WDFY3: variants seen among roughly 807,000 people sequenced by gnomAD.
WDFY3 encodes the protein WD repeat and FYVE domain containing 3.
WDFY3 carries 66 observed loss-of-function variants against 409.6 expected under a neutral mutation model. The observed-to-expected ratio is 0.16, with a 90% CI of 0.13 to 0.20. The LOEUF (loss-of-function observed/expected upper bound fraction) is 0.20. Ranked by LOEUF, WDFY3 falls within the 10% of genes least tolerant of loss-of-function variation. The probability of loss-of-function intolerance (pLI) is 1.00; values close to 1 mark genes in which losing one functional copy is unlikely to be tolerated. For missense variants in WDFY3, 3,031 were observed against 4,298.1 expected (o/e 0.71, Z 8.24); for synonymous variants, 1,521 against 1,537.1 (o/e 0.99, Z 0.25).
At chr4:84,751,352 G>A in intron 36 of WDFY3, 131 bp downstream of exon 36, 1 of 936,338 alleles carries the variant, frequency 1.1e-6, no homozygotes, top group Non-Finnish European at 1.6e-6. Flanking sequence ...ACTTTCCACA[G>A]CCTATAACAT....
chr4:84,736,749 G>A (rs370192117), intron 41 of WDFY3, among the ~76,000 whole-genome samples: 16 of 151,872 alleles, frequency 1.1e-4, no homozygotes, highest in African/African-American at 3.6e-4. Flanking sequence ...AATTTAATAC[G>A]TCAATATTAC....
intron 44 of WDFY3, among the ~76,000 whole-genome samples, chr4:84,729,230 A>AT (rs373842178): frequency 1.9e-4 from 29 of 151,454 alleles, no homozygotes; most frequent in South Asian, 4.2e-4. Flanking sequence ...TTTAAATATA[A>AT]TTTTTTTTTA....
intron 3 of WDFY3, among the ~76,000 whole-genome samples, chr4:84,864,426 C>T (rs1017161370): frequency 2.0e-5 from 3 of 149,516 alleles, no homozygotes; most frequent in Non-Finnish European, 3.0e-5. Flanking sequence ...ATAAGGATTA[C>T]GCTTAATCTA....
In WDFY3 at chr4:84,779,851, A is replaced by T. The variant is rs116623457; in HGVS notation, c.4365+257T>A. Among the ~76,000 whole-genome samples, 662 of 152,360 alleles carry T rather than the reference A, an allele frequency of 4.3e-3. 4 individuals are homozygous for T. The highest frequency in any genetic ancestry group is 0.042 in the South Asian group (201 of 4,828). On this transcript the variant is annotated intron_variant, in intron 26 of 67. Transcript: ENST00000295888. Reference sequence around the variant, plus strand: ...GTTCTGAAAATAAATTCAATGTATTAAAGCTATATTGAAATAATGTTGCCT... The same window carrying T: ...GTTCTGAAAATAAATTCAATGTATTTAAGCTATATTGAAATAATGTTGCCT...
intron 1 of WDFY3, among the ~76,000 whole-genome samples, chr4:84,945,812 T>G (rs1043350525): frequency 2.0e-5 from 3 of 152,178 alleles, no homozygotes; most frequent in Non-Finnish European, 4.4e-5. Flanking sequence ...AATCTGTTGA[T>G]CTAGAAATTT....
intron 61 of WDFY3, among the ~76,000 whole-genome samples, chr4:84,690,232 G>A (rs1729029441): frequency 6.6e-6 from 1 of 152,062 alleles, no homozygotes; most frequent in African/African-American, 2.4e-5. Context: ...TTAGACTTTT[G>A]CATTTATATT....
intron 6 of WDFY3, among the ~76,000 whole-genome samples, chr4:84,838,383 T>C (rs1360793414): frequency 6.6e-6 from 1 of 152,228 alleles, no homozygotes; most frequent in Non-Finnish European, 1.5e-5. Context: ...AAAGTGTGTA[T>C]GCTCAATGAC....
intron 64 of WDFY3, 135 bp from the exon 65 acceptor site, chr4:84,679,377 G>C (rs568470015): frequency 1.8e-5 from 16 of 897,584 alleles, no homozygotes; most frequent in Non-Finnish European, 2.5e-5. Flanking sequence ...TAACAAAAAA[G>C]AAAGTAAGTG....
rs1385454937 is a variant in WDFY3, at chr4:84,733,319, C to T, written c.7221+63G>A. The T allele has an allele frequency of 1.2e-5, 19 of 1,542,916 alleles. 1 individual carries two copies. Among genetic ancestry groups the T allele is most frequent in the Middle Eastern group, 3.5e-4 (2 of 5,716 alleles). ...GGTAATTGACTAAATAGAGAAAAAA[C>T]GCTTACAGAGGAAAATAAAAACTTG... On this transcript the variant is annotated intron_variant, in intron 44 of 67. Coordinates refer to ENST00000295888, the MANE Select transcript of WDFY3 (RefSeq NM_014991.6).
At chr4:84,677,519 C>A (rs1429508611) in intron 66 of WDFY3, 123 bp from the exon 67 acceptor site, 5 of 831,846 alleles carry the variant, frequency 6.0e-6, no homozygotes, top group African/African-American at 1.7e-5. Context: ...CCTGGAGAGA[C>A]CCCTTGATTC....
chr4:84,826,135 CTG>C (rs1048804589), intron 10 of WDFY3, among the ~76,000 whole-genome samples: 1 of 151,884 alleles, frequency 6.6e-6, no homozygotes, highest in Non-Finnish European at 1.5e-5. Flanking sequence ...GGTTCTGCAT[CTG>C]TGGATTCAAT....
At chr4:84,713,122 C>T in intron 51 of WDFY3, 37 bp downstream of exon 51, 1 of 1,597,956 alleles carries the variant, frequency 6.3e-7, no homozygotes, top group South Asian at 1.1e-5. Flanking sequence ...CCCAACTTCA[C>T]TATTAAACTG....
chr4:84,761,029 G>T (rs1742481719), intron 32 of WDFY3, among the ~76,000 whole-genome samples: 1 of 151,836 alleles, frequency 6.6e-6, no homozygotes, highest in African/African-American at 2.4e-5. Context: ...TGGTTTCAAA[G>T]AACATGTTTA....
chr4:84,681,854 T>C (rs1243809445), intron 64 of WDFY3, among the ~76,000 whole-genome samples: 1 of 152,218 alleles, frequency 6.6e-6, no homozygotes, highest in African/African-American at 2.4e-5. Flanking sequence ...AAATTTTAAA[T>C]TGCTTCACAA....
chr4:84,749,449 A>G (rs1305815990), intron 36 of WDFY3, among the ~76,000 whole-genome samples: 1 of 152,172 alleles, frequency 6.6e-6, no homozygotes, highest in Non-Finnish European at 1.5e-5. Context: ...TAATAGTTAA[A>G]TGATTCAAAA....
chr4:84,846,084 G>A (rs1025199931), intron 5 of WDFY3, among the ~76,000 whole-genome samples: 1 of 152,106 alleles, frequency 6.6e-6, no homozygotes, highest in African/African-American at 2.4e-5. Flanking sequence ...AGGGTGTGGG[G>A]ACACAGGATA....
At chr4:84,749,801 GAACT>G (rs1740180965) in intron 36 of WDFY3, among the ~76,000 whole-genome samples, 1 of 152,078 alleles carries the variant, frequency 6.6e-6, no homozygotes, top group African/African-American at 2.4e-5. Context: ...GCTTTTCCCT[GAACT>G]GTACTCCTAC....
At chr4:84,783,464 G>A (rs1030709301) in intron 24 of WDFY3, among the ~76,000 whole-genome samples, 1 of 152,192 alleles carries the variant, frequency 6.6e-6, no homozygotes, top group African/African-American at 2.4e-5. Context: ...TCCAGCCTGG[G>A]AGCATTTATT....
chr4:84,850,928 G>GTTTTTTTTTTTTTTT lies in WDFY3; in HGVS notation c.181-918_181-904dup, dbSNP rs869074191. Among the ~76,000 whole-genome samples the GTTTTTTTTTTTTTTT allele has an allele frequency of 5.2e-4, 24 of 46,240 alleles. 2 individuals are homozygous for GTTTTTTTTTTTTTTT. Among genetic ancestry groups the GTTTTTTTTTTTTTTT allele is most frequent in the Non-Finnish European group, 7.0e-4 (18 of 25,870 alleles). 30.3% of individuals were successfully genotyped at this position (46,240 alleles called of 152,430 possible). A position where few individuals can be genotyped will look rare whatever the true frequency, so the allele number is the denominator to read the frequency against. ...TTCTTATTTTTAATTTTATTTATCT[G>GTTTTTTTTTTTTTTT]TTTTTTTTTTTTTTTTTTTTTTTTT... On this transcript the variant is annotated intron_variant, in intron 4 of 67. Coordinates refer to ENST00000295888, the MANE Select transcript of WDFY3 (RefSeq NM_014991.6).
Sources: gnomAD v4.1 joint callset for allele counts (sites outside exome capture counted in the v4.1 genomes callset) on GRCh38, gnomAD v4.1.1 for gene constraint, MANE v1.5 for transcripts, NCBI Gene and HGNC (gene_info 2026-07-23, HGNC 2026-07-21) for gene names.